The following RAB40C variants were observed in gnomAD, a reference collection of about 807,000 sequenced individuals.
RAB40C encodes ras-related protein Rab-40C.
A neutral mutation model predicts 28.1 loss-of-function variants in RAB40C; 8 were observed. That is an observed-to-expected ratio of 0.28 (90% CI 0.17 to 0.51). The LOEUF is 0.51. Ranked by LOEUF, RAB40C falls within the 20% of genes least tolerant of loss-of-function variation. RAB40C has a pLI of 0.97. For synonymous variants in RAB40C, 201 were observed against 171.7 expected (o/e 1.17, Z -1.34); for missense variants, 288 against 405.9 (o/e 0.71, Z 2.50).
intron 1 of RAB40C, among the ~76,000 whole-genome samples, chr16:611,611 G>C (rs1386929508): frequency 6.6e-6 from 1 of 151,906 alleles, no homozygotes; most frequent in Non-Finnish European, 1.5e-5. Flanking sequence ...AGCCGCCCTG[G>C]CCTGTAGAAT....
At chr16:593,839 C>A (rs1005804341) in intron 1 of RAB40C, among the ~76,000 whole-genome samples, 1 of 152,216 alleles carries the variant, frequency 6.6e-6, no homozygotes, top group Non-Finnish European at 1.5e-5. Flanking sequence ...GGGAGTGCTT[C>A]ATGCTCTCTT....
At chr16:619,430 G>A (rs1328685008) in intron 3 of RAB40C, among the ~76,000 whole-genome samples, 1 of 152,178 alleles carries the variant, frequency 6.6e-6, no homozygotes, top group Non-Finnish European at 1.5e-5. Context: ...CCTCGTTTCT[G>A]TCTCCTCTGG....
intron 1 of RAB40C, among the ~76,000 whole-genome samples, chr16:614,551 G>A (rs79106972): frequency 0.1 from 7,774 of 74,896 alleles, 5 homozygotes; most frequent in South Asian, 0.17. Flanking sequence ...CCTAAACCTC[G>A]TCCCGATGGT....
At chr16:619,134 A>C (rs1253223379) in intron 3 of RAB40C, among the ~76,000 whole-genome samples, 1 of 134,404 alleles carries the variant, frequency 7.4e-6, no homozygotes, top group Non-Finnish European at 1.6e-5. Context: ...CCATGTGTGC[A>C]GTGTGTGCTC....
Position 592,062 on chromosome 16 carries a change from G to C in RAB40C, c.142+1629G>C, listed in dbSNP as rs150686065. 4.6e-5 allele frequency among the ~76,000 whole-genome samples: 7 copies of C among 152,350 alleles called. No individual in the cohort carries two copies. In the East Asian group the frequency reaches 7.7e-4, roughly 17 times the overall value. ...TGGGGGCCTGGACCCAGCCGAATGG[G>C]ATGTGGCCCCAGATGAACTGGGAGC... On this transcript the variant is annotated intron_variant, in intron 1 of 5. Coordinates refer to ENST00000248139, the MANE Select transcript of RAB40C (RefSeq NM_021168.5).
intron 1 of RAB40C, among the ~76,000 whole-genome samples, chr16:602,726 C>T (rs1412280364): frequency 6.6e-6 from 1 of 152,162 alleles, no homozygotes; most frequent in Non-Finnish European, 1.5e-5. Context: ...AGCCACTGTG[C>T]CTGGCCAATA....
intron 1 of RAB40C, among the ~76,000 whole-genome samples, chr16:601,686 C>A: frequency 6.6e-6 from 1 of 151,856 alleles, no homozygotes; most frequent in Admixed American, 6.6e-5. Flanking sequence ...TAAAACATCA[C>A]AACACAGGAC....
At chr16:608,949 G>C (rs1034810069) in intron 1 of RAB40C, among the ~76,000 whole-genome samples, 4 of 151,966 alleles carry the variant, frequency 2.6e-5, no homozygotes, top group African/African-American at 9.7e-5. Flanking sequence ...ACCCCTGACT[G>C]TACAAAAGAT....
At chr16:607,649 G>A (rs2036389921) in intron 1 of RAB40C, among the ~76,000 whole-genome samples, 1 of 152,040 alleles carries the variant, frequency 6.6e-6, no homozygotes, top group Non-Finnish European at 1.5e-5. Flanking sequence ...AAATTAGGCA[G>A]GCGCGGTGGT....
intron 3 of RAB40C, among the ~76,000 whole-genome samples, chr16:622,182 C>G (rs2036732826): frequency 6.6e-6 from 1 of 152,196 alleles, no homozygotes; most frequent in South Asian, 2.1e-4. Flanking sequence ...ACTCTTAGGC[C>G]CAGCAGTTCT....
rs1237124241 is a variant in RAB40C at position 623,905 on chromosome 16, C to T, written c.265-1527C>T. The T allele has an allele frequency of 3.1e-6, 3 of 974,108 alleles. No individual in the cohort carries two copies. The East Asian group carries it at 3.4e-4, about 111-fold the overall frequency. The allele number at this position is 974,108 out of a possible 1,614,324, so 60.3% of individuals were successfully genotyped here. On this transcript the variant is annotated intron_variant, in intron 3 of 5. Transcript: ENST00000248139. The stretch of plus-strand genomic sequence containing the variant: ...CATGATCGTGCCACTGCATGAACCC[C>T]AGCCTGGCTGACAGAGTGAGACCCT...
intron 4 of RAB40C, 154 bp from the exon 5 acceptor site, chr16:625,745 T>C: frequency 1.1e-6 from 1 of 875,098 alleles, no homozygotes; most frequent in Non-Finnish European, 1.8e-6. Flanking sequence ...CTGTAGGGCC[T>C]GAGCCCTGGG....
chr16:605,472 G>A (rs537875524), intron 1 of RAB40C, among the ~76,000 whole-genome samples: 3 of 152,318 alleles, frequency 2.0e-5, no homozygotes, highest in Non-Finnish European at 4.4e-5. Context: ...CCCTCTGCAG[G>A]CCTCTCACAC....
chr16:596,866 G>A (rs1247773677), intron 1 of RAB40C, among the ~76,000 whole-genome samples: 1 of 152,184 alleles, frequency 6.6e-6, no homozygotes, highest in Non-Finnish European at 1.5e-5. Context: ...CTAAGGTAGC[G>A]AGGAGGCTTC....
At chr16:590,866 C>T (rs1330674152) in intron 1 of RAB40C, among the ~76,000 whole-genome samples, 1 of 137,334 alleles carries the variant, frequency 7.3e-6, no homozygotes, top group East Asian at 2.2e-4. Context: ...GTGTCGTGGG[C>T]CGGAGGGAAG....
intron 3 of RAB40C, among the ~76,000 whole-genome samples, chr16:623,245 G>A (rs990444605): frequency 6.6e-6 from 1 of 152,372 alleles, no homozygotes; most frequent in East Asian, 1.9e-4. Context: ...GTTTGCCACA[G>A]AAAACAGGTC....
chr16:622,440 G>T (rs1006726777), intron 3 of RAB40C, among the ~76,000 whole-genome samples: 4 of 152,204 alleles, frequency 2.6e-5, no homozygotes, highest in African/African-American at 9.6e-5. Flanking sequence ...GACTGTCAGG[G>T]CGGCTCCTAG....
intron 1 of RAB40C, among the ~76,000 whole-genome samples, chr16:603,747 C>T (rs2036301989): frequency 6.6e-6 from 1 of 151,766 alleles, no homozygotes; most frequent in Non-Finnish European, 1.5e-5. Context: ...ACTCTCCTCC[C>T]AGAAAGCCCC....
At chr16:624,575 A>G in intron 3 of RAB40C, 1 of 985,326 alleles carries the variant, frequency 1.0e-6, no homozygotes, top group Non-Finnish European at 1.2e-6. Flanking sequence ...TAAAAACCCT[A>G]ATTTTCAGAT....
Sources: gnomAD v4.1 joint callset for allele counts (sites outside exome capture counted in the v4.1 genomes callset) on GRCh38, gnomAD v4.1.1 for gene constraint, MANE v1.5 for transcripts, NCBI Gene and HGNC (gene_info 2026-07-23, HGNC 2026-07-21) for gene names.